Variants in OTP observed in about 807,000 individuals in gnomAD.
OTP encodes orthopedia homeobox, also known as homeobox protein orthopedia.
Under a neutral mutation model 22.3 loss-of-function variants are expected in OTP, and 5 were observed. The ratio of observed to expected loss-of-function variants is 0.22; its 90% CI spans 0.12 to 0.47. OTP has a LOEUF of 0.47. Among genes scored for constraint, OTP ranks in the 20% least tolerant of loss-of-function variants. The pLI, the probability that OTP is intolerant of heterozygous loss-of-function variation, is 0.99. For synonymous variants in OTP, 229 were observed against 210.6 expected (o/e 1.09, Z -0.76); for missense variants, 428 against 456.2 (o/e 0.94, Z 0.56).
intron 1 of OTP, among the ~76,000 whole-genome samples, chr5:77,637,702 G>A (rs566337807): frequency 6.6e-6 from 1 of 152,284 alleles, no homozygotes; most frequent in East Asian, 1.9e-4. Context: ...ACTTTCGGAA[G>A]ATGAATAAGC....
rs139985455 is a variant in OTP at position 77,628,791 on chromosome 5, C to T, written c.*1473G>A. On this transcript the variant is annotated 3_prime_UTR_variant, in exon 3 of 3. Transcript: ENST00000306422. ...TTGTCCGGAAAAGTCAAATAATATGCTTTATATTAGCTCAAACATTTATTA... is the reference window on the plus strand; with the variant it reads ...TTGTCCGGAAAAGTCAAATAATATGTTTTATATTAGCTCAAACATTTATTA... The T allele has an allele frequency of 6.6e-6, 1 of 152,504 alleles. No homozygotes were observed. The highest frequency in any genetic ancestry group is 1.5e-5 in the Non-Finnish European group (1 of 68,034). The allele number at this position is 152,504 out of a possible 1,614,324, so 9.4% of individuals were successfully genotyped here.
Position 77,636,998 on chromosome 5 carries a change from C to T in OTP, c.270G>A (p.Pro90=), listed in dbSNP as rs1417485043. ...GCTGCTGGCCGGCTTGGCTGGGGTT[C>T]GGGCCGCCCTGGGGCCCGGGCTGCT... ...PDKQPGPQGG[P]NPSQAGQQQG... is the part of the protein sequence containing the mutation. The change falls in exon 2 of 3, where the codon CCG becomes CCA. Residue 90 remains proline, a synonymous_variant. Transcript: ENST00000306422. The T allele has an allele frequency of 4.3e-6, 7 of 1,613,380 alleles. No homozygotes were observed. Among genetic ancestry groups the T allele is most frequent in the Non-Finnish European group, 5.1e-6 (6 of 1,179,838 alleles).
intron 2 of OTP, 121 bp from the exon 3 acceptor site, chr5:77,630,915 G>A (rs1744919952): frequency 1.7e-6 from 2 of 1,151,718 alleles, no homozygotes; most frequent in Non-Finnish European, 2.3e-6. Flanking sequence ...GGAGGAACAA[G>A]TGCCGTAGGC....
chr5:77,629,548 G>A lies in OTP; in HGVS notation c.*716C>T, dbSNP rs1744884238. 1 of 152,772 alleles carries A rather than the reference G, an allele frequency of 6.5e-6. No individual in the cohort carries two copies. The highest frequency in any genetic ancestry group is 2.1e-4 in the South Asian group (1 of 4,834). 9.5% of individuals were successfully genotyped at this position (152,772 alleles called of 1,614,324 possible). On this transcript the variant is annotated 3_prime_UTR_variant, in exon 3 of 3. Coordinates refer to ENST00000306422, the MANE Select transcript of OTP (RefSeq NM_032109.3). Reference sequence around the variant, plus strand: ...TCAAATCATATCAGTTGGGCCCTCAGATGAGGCGGTTGGTAGCAATGCTTG... The same window carrying A: ...TCAAATCATATCAGTTGGGCCCTCAAATGAGGCGGTTGGTAGCAATGCTTG...
chr5:77,629,996 G>A lies in OTP; in HGVS notation c.*268C>T, dbSNP rs1580061483. ...GGTGGGCTGAGGCGCTGGAGACCGA[G>A]CCGAGGGCGCAGCTGGGTGGGAAGG... On this transcript the variant is annotated 3_prime_UTR_variant, in exon 3 of 3. Transcript: ENST00000306422. The A allele has an allele frequency of 4.5e-6, 1 of 222,448 alleles. No individual in the cohort carries two copies. Among genetic ancestry groups the A allele is most frequent in the East Asian group, 1.0e-4 (1 of 9,732 alleles). The allele number at this position is 222,448 out of a possible 1,614,324, so 13.8% of individuals were successfully genotyped here.
At chr5:77,636,768 A>G in intron 2 of OTP, 53 bp downstream of exon 2, 1 of 1,550,644 alleles carries the variant, frequency 6.4e-7, no homozygotes, top group Non-Finnish European at 8.7e-7. Context: ...CCCTTTGCCC[A>G]AATCCTCCCG....
Position 77,630,013 on chromosome 5 carries a change from G to T in OTP, c.*251C>A. On this transcript the variant is annotated 3_prime_UTR_variant, in exon 3 of 3. Transcript: ENST00000306422. ...GAGACCGAGCCGAGGGCGCAGCTGG[G>T]TGGGAAGGGAAGAGGGGCGGCCGGG... The T allele has an allele frequency of 4.2e-6, 1 of 235,916 alleles. No individual in the cohort carries two copies. The highest frequency in any genetic ancestry group is 9.3e-5 in the East Asian group (1 of 10,802). The allele number at this position is 235,916 out of a possible 1,614,324, so 14.6% of individuals were successfully genotyped here. A position where few individuals can be genotyped will look rare whatever the true frequency, so the allele number is the denominator to read the frequency against.
In OTP at chr5:77,630,201, G is replaced by T; in HGVS notation, c.*63C>A. On this transcript the variant is annotated 3_prime_UTR_variant, in exon 3 of 3. Transcript: ENST00000306422. The stretch of plus-strand genomic sequence containing the variant: ...GGCGCCGGGGTCCGGGTGCGCGCCG[G>T]AAGGGCCTCGGGGCGGCCCCCGGGG... 1 of 1,176,978 alleles carries T rather than the reference G, an allele frequency of 8.5e-7. No homozygotes were observed. Among genetic ancestry groups the T allele is most frequent in the Non-Finnish European group, 1.1e-6 (1 of 920,724 alleles). 72.9% of individuals were successfully genotyped at this position (1,176,978 alleles called of 1,614,324 possible).
chr5:77,634,553 A>G (rs558860633), intron 2 of OTP, among the ~76,000 whole-genome samples: 1 of 152,332 alleles, frequency 6.6e-6, no homozygotes, highest in South Asian at 2.1e-4. Flanking sequence ...TGGCCCACAT[A>G]CTGAAAAGAA....
At chr5:77,632,278 C>CAAT (rs774809163) in intron 2 of OTP, among the ~76,000 whole-genome samples, 20 of 152,010 alleles carry the variant, frequency 1.3e-4, no homozygotes, top group African/African-American at 3.1e-4. Context: ...TTTTAAATGA[C>CAAT]AATAATAATA....
At chr5:77,635,917 A>AAC (rs200386829) in intron 2 of OTP, 6 of 152,016 alleles carry the variant, frequency 3.9e-5, no homozygotes, top group African/African-American at 1.5e-4. Flanking sequence ...ACAAAAAAAA[A>AAC]AAACAAACAA....
chr5:77,630,142 G>T lies in OTP; in HGVS notation c.*122C>A. Reference sequence around the variant, plus strand: ...TGGAGGAGAGAGGCGAGGACGAAACGAGACGGGGCGAAGGCCGGGGCGGGA... The same window carrying T: ...TGGAGGAGAGAGGCGAGGACGAAACTAGACGGGGCGAAGGCCGGGGCGGGA... On this transcript the variant is annotated 3_prime_UTR_variant, in exon 3 of 3. Transcript: ENST00000306422. 2.0e-6 allele frequency: 1 copy of T among 494,928 alleles called. No individual in the cohort carries two copies. Among genetic ancestry groups the T allele is most frequent in the Non-Finnish European group, 3.0e-6 (1 of 334,258 alleles). The allele number at this position is 494,928 out of a possible 1,614,324, so 30.7% of individuals were successfully genotyped here.
chr5:77,636,951 C>G lies in OTP; in HGVS notation c.317G>C (p.Arg106Pro). Residue 106 changes from arginine (R) to proline (P), a missense_variant, in exon 2 of 3, where the codon CGC becomes CCC. This residue lies in a region of OTP where 176 missense variants were observed against 162.9 expected (regional missense o/e 1.08). Coordinates refer to ENST00000306422, the MANE Select transcript of OTP (RefSeq NM_032109.3). Reference protein sequence around the residue: ...GQQQGQQKQKRHRTRFTPAQL... With the variant: ...GQQQGQQKQKPHRTRFTPAQL... The stretch of plus-strand genomic sequence containing the variant: ...TGCGGGGGTGAAGCGCGTCCGGTGG[C>G]GCTTCTGCTTCTGTTGGCCCTGCTG... 6.2e-7 allele frequency: 1 copy of G among 1,614,102 alleles called. No homozygotes were observed. The highest frequency in any genetic ancestry group is 8.5e-7 in the Non-Finnish European group (1 of 1,179,970).
Position 77,630,350 on chromosome 5 carries a change from C to A in OTP, c.892G>T (p.Asp298Tyr). ...GTGCCCCGCCACACGTCGCTGCTGT[C>A]CGGGGAGCTGCAGAGCTGGGGCGAA... ...SGSPQLCSSPDSSDVWRGTSI... is the reference protein window; with the variant it reads ...SGSPQLCSSPYSSDVWRGTSI... Residue 298 changes from aspartate (D) to tyrosine (Y), a missense_variant, in exon 3 of 3, where the codon GAC (aspartate) becomes TAC (tyrosine). Around this residue, in one of 3 missense-constraint regions of OTP, gnomAD observed 236 missense variants for 238.1 expected, o/e 0.99. Coordinates refer to ENST00000306422, the MANE Select transcript of OTP (RefSeq NM_032109.3). The A allele has an allele frequency of 6.4e-7, 1 of 1,573,446 alleles. No individual in the cohort carries two copies. Among genetic ancestry groups the A allele is most frequent in the Middle Eastern group, 2.0e-4 (1 of 5,112 alleles).
chr5:77,635,600 A>G (rs1561246645), intron 2 of OTP, among the ~76,000 whole-genome samples: 1 of 152,260 alleles, frequency 6.6e-6, no homozygotes, highest in Admixed American at 6.5e-5. Flanking sequence ...TATCTTTAAA[A>G]TGCCGAATGG....
Position 77,630,800 on chromosome 5 carries a change from G to T in OTP, c.448-6C>A. On this transcript the variant is annotated splice_polypyrimidine_tract_variant and splice_region_variant and intron_variant, in intron 2 of 2. Transcript: ENST00000306422. ...CGTCGGTTCTGGAACCAGACCTGGA[G>T]CGGGCGGGGCGGGAGACAGACAGGG... The T allele has an allele frequency of 1.3e-6, 2 of 1,528,528 alleles. No homozygotes were observed. Among genetic ancestry groups the T allele is most frequent in the Non-Finnish European group, 1.7e-6 (2 of 1,146,548 alleles). 94.7% of individuals were successfully genotyped at this position (1,528,528 alleles called of 1,614,324 possible).
chr5:77,636,334 C>G (rs1745005892), intron 2 of OTP: 1 of 153,714 alleles, frequency 6.5e-6, no homozygotes, highest in Non-Finnish European at 1.4e-5. Context: ...CGCCGTGAAA[C>G]CTGGGTGTAG....
At chr5:77,634,372 A>G (rs1744976739) in intron 2 of OTP, among the ~76,000 whole-genome samples, 2 of 152,218 alleles carry the variant, frequency 1.3e-5, no homozygotes, top group African/African-American at 2.4e-5. Flanking sequence ...CAGACATGGA[A>G]TTGGCCTCCA....
In OTP at chr5:77,638,565, G is replaced by A. The variant is rs989552716; in HGVS notation, c.-16C>T. On this transcript the variant is annotated 5_prime_UTR_variant, in exon 1 of 3. Transcript: ENST00000306422. ...GAGACAGCATCGCGCACCGCTCCAG[G>A]GCGAAAGCTGTTCCCCCCCAAATTT... 1.5e-5 allele frequency: 23 copies of A among 1,554,474 alleles called. No individual in the cohort carries two copies. Among genetic ancestry groups the A allele is most frequent in the Admixed American group, 2.1e-5 (1 of 48,122 alleles).
Sources: gnomAD v4.1 joint callset for allele counts (sites outside exome capture counted in the v4.1 genomes callset) on GRCh38, gnomAD v4.1.1 for gene constraint, gnomAD v4.1.1 regional missense constraint, MANE v1.5 for transcripts, NCBI Gene and HGNC (gene_info 2026-07-23, HGNC 2026-07-21) for gene names.